The following DYNC2H1 variants were observed in gnomAD, a reference collection of about 807,000 sequenced individuals.
DYNC2H1 encodes cytoplasmic dynein 2 heavy chain 1.
A neutral mutation model predicts 570.0 loss-of-function variants in DYNC2H1; 410 were observed. That is an observed-to-expected ratio of 0.72 (90% confidence interval 0.66 to 0.78). The LOEUF (loss-of-function observed/expected upper bound fraction) is 0.78. Ranked by LOEUF, DYNC2H1 falls within the 30% of genes least tolerant of loss-of-function variation. The pLI is 0.00. For missense variants in DYNC2H1, 4,865 were observed against 5,046.4 expected, an observed-to-expected ratio of 0.96 and a Z score of 1.09; for synonymous variants, 1,688 against 1,677.6, an observed-to-expected ratio of 1.01 and a Z score of -0.15.
chr11:103,117,174 A>G (rs1257014567), intron 5 of DYNC2H1, among the ~76,000 whole-genome samples: 1 of 148,208 alleles, frequency 6.7e-6, no homozygotes, highest in Non-Finnish European at 1.5e-5. Context: ...TGCAGTATCC[A>G]TACAGTAGGC....
chr11:103,276,836 G>A (rs899502815), intron 70 of DYNC2H1, among the ~76,000 whole-genome samples: 1 of 151,908 alleles, frequency 6.6e-6, no homozygotes, highest in South Asian at 2.1e-4. Flanking sequence ...GAGCACATAC[G>A]TGATCCCTTT....
intron 77 of DYNC2H1, among the ~76,000 whole-genome samples, chr11:103,304,929 A>G (rs557812895): frequency 4.2e-4 from 64 of 152,228 alleles, no homozygotes; most frequent in Non-Finnish European, 4.7e-4. Context: ...TTAAAGGCAT[A>G]TAAGAGAAGC....
chr11:103,148,351 A>G, intron 19 of DYNC2H1, 139 bp from the exon 20 acceptor site: 1 of 910,104 alleles, frequency 1.1e-6, no homozygotes, highest in Non-Finnish European at 1.5e-6. Flanking sequence ...ATTTTGTTTT[A>G]TGAAAGCAAA....
intron 79 of DYNC2H1, among the ~76,000 whole-genome samples, chr11:103,314,248 T>C (rs1478510580): frequency 2.6e-5 from 4 of 152,170 alleles, no homozygotes; most frequent in Non-Finnish European, 4.4e-5. Flanking sequence ...CACAAACATA[T>C]TAATTTCTAT....
At chr11:103,346,223 T>G (rs1293389982) in intron 82 of DYNC2H1, among the ~76,000 whole-genome samples, 1 of 152,242 alleles carries the variant, frequency 6.6e-6, no homozygotes, top group Non-Finnish European at 1.5e-5. Flanking sequence ...CAGCTGTGGT[T>G]ATCCTGACTC....
chr11:103,286,527 C>T, intron 74 of DYNC2H1, 141 bp downstream of exon 74: 1 of 989,308 alleles, frequency 1.0e-6, no homozygotes, highest in Non-Finnish European at 1.4e-6. Flanking sequence ...ATCCTTTTGC[C>T]ACCTTATTGA....
intron 82 of DYNC2H1, among the ~76,000 whole-genome samples, chr11:103,332,332 A>G (rs1460198122): frequency 1.4e-5 from 2 of 142,064 alleles, no homozygotes; most frequent in Non-Finnish European, 3.1e-5. Context: ...AAAAAAAAAT[A>G]GAACAAAGCA....
intron 83 of DYNC2H1, among the ~76,000 whole-genome samples, chr11:103,383,109 G>C (rs902884689): frequency 3.0e-4 from 46 of 152,174 alleles, no homozygotes; most frequent in African/African-American, 8.9e-4. Flanking sequence ...GTGTTTGAGG[G>C]GGGGATTCTT....
intron 88 of DYNC2H1, among the ~76,000 whole-genome samples, chr11:103,476,505 C>A (rs1388652882): frequency 6.6e-6 from 1 of 152,052 alleles, no homozygotes; most frequent in Non-Finnish European, 1.5e-5. Flanking sequence ...ATATAAAGTG[C>A]TGTTAAATGA....
At position 103,128,936 on chromosome 11, in the gene DYNC2H1, T is replaced by A; in HGVS notation, c.1884T>A (p.Asp628Glu). 3 of 1,596,626 alleles carry A rather than the reference T, an allele frequency of 1.9e-6. No individual in the cohort carries two copies. Among genetic ancestry groups the A allele is most frequent in the Non-Finnish European group, 2.6e-6 (3 of 1,173,654 alleles). ...KQVAHFYNSI[D>E]QQMIQSQRPM... Reference sequence around the variant, plus strand: ...TGGCACATTTTTATAATTCTATTGATCAACAAATGATTCAAAGTCAGAGGC... The same window carrying A: ...TGGCACATTTTTATAATTCTATTGAACAACAAATGATTCAAAGTCAGAGGC... The change falls in exon 13 of 89, where the codon GAT becomes GAA. Residue 628 changes from aspartate (D) to glutamate (E), a missense_variant. Asp to Glu is a conservative substitution (Grantham distance 45). Transcript: ENST00000375735.
At chr11:103,432,204 G>A (rs1281265997) in intron 84 of DYNC2H1, among the ~76,000 whole-genome samples, 1 of 152,026 alleles carries the variant, frequency 6.6e-6, no homozygotes, top group Non-Finnish European at 1.5e-5. Context: ...ATAGTTCATC[G>A]TTGTTACGTA....
Position 103,109,472 on chromosome 11 carries a change from G to T in DYNC2H1, c.-103G>T, listed in dbSNP as rs960530113. ...CGCGAAGCTCTGCGGTCCCGCGGTC[G>T]GGCTACGGGTTTGAGCAAAGCTCCT... On this transcript the variant is annotated 5_prime_UTR_variant, in exon 1 of 89. Transcript: ENST00000375735. 2.6e-6 allele frequency: 3 copies of T among 1,138,246 alleles called. No homozygotes were observed. The highest frequency in any genetic ancestry group is 3.6e-6 in the Non-Finnish European group (3 of 826,286). 70.5% of individuals were successfully genotyped at this position (1,138,246 alleles called of 1,614,324 possible). A position where few individuals can be genotyped will look rare whatever the true frequency, so the allele number is the denominator to read the frequency against.
intron 43 of DYNC2H1, among the ~76,000 whole-genome samples, chr11:103,187,847 C>T (rs1392977809): frequency 1.3e-5 from 2 of 151,982 alleles, no homozygotes; most frequent in South Asian, 2.1e-4. Flanking sequence ...GTCCTTTATT[C>T]GTAAAACAAG....
intron 80 of DYNC2H1, among the ~76,000 whole-genome samples, 187 bp from the exon 81 acceptor site, chr11:103,320,842 A>T (rs941347258): frequency 6.6e-6 from 1 of 152,180 alleles, no homozygotes; most frequent in Non-Finnish European, 1.5e-5. Flanking sequence ...GAATTTATAC[A>T]TGTAAAATAT....
At chr11:103,128,813 A>G (rs1158875305) in intron 12 of DYNC2H1, 97 bp from the exon 13 acceptor site, 8 of 1,053,464 alleles carry the variant, frequency 7.6e-6, no homozygotes. Context: ...TTTAAATTTT[A>G]GGATTGAGAA....
At chr11:103,263,756 G>A (rs566408673) in intron 70 of DYNC2H1, among the ~76,000 whole-genome samples, 6 of 151,854 alleles carry the variant, frequency 4.0e-5, no homozygotes, top group Non-Finnish European at 8.8e-5. Flanking sequence ...ACAGGAGAAA[G>A]TAGGAAAGAT....
chr11:103,326,975 C>T lies in DYNC2H1; in HGVS notation c.12039+2985C>T, dbSNP rs989743920. ...CAGATCCTCCACCAGCTCACACATC[C>T]ATGGTGGATGCGGGGTCCGCTGAGC... On this transcript the variant is annotated intron_variant, in intron 82 of 88. Coordinates refer to ENST00000375735, the MANE Select transcript of DYNC2H1 (RefSeq NM_001377.3). This position sits in a 1 kb window ranked among gnomAD's most constrained non-coding sequence, Gnocchi z 6.1. Among the ~76,000 whole-genome samples the T allele has an allele frequency of 5.9e-5, 9 of 152,226 alleles. No individual in the cohort carries two copies. The highest frequency in any genetic ancestry group is 1.9e-4 in the African/African-American group (8 of 41,462).
intron 83 of DYNC2H1, among the ~76,000 whole-genome samples, chr11:103,392,097 G>A (rs968620087): frequency 2.0e-5 from 3 of 152,248 alleles, no homozygotes; most frequent in Non-Finnish European, 4.4e-5. Context: ...TGCCCGCAGA[G>A]GTGGAGTCTA....
At chr11:103,390,919 T>G in intron 83 of DYNC2H1, among the ~76,000 whole-genome samples, 1 of 152,302 alleles carries the variant, frequency 6.6e-6, no homozygotes, top group South Asian at 2.1e-4. Flanking sequence ...TCTCTCTGGC[T>G]GCCCTTACCA....
Sources: gnomAD v4.1 joint callset for allele counts (sites outside exome capture counted in the v4.1 genomes callset) on GRCh38, gnomAD v4.1.1 for gene constraint, Gnocchi (gnomAD v3.1) non-coding constraint, MANE v1.5 for transcripts, NCBI Gene and HGNC (gene_info 2026-07-23, HGNC 2026-07-21) for gene names.